CDH18: variants seen among roughly 807,000 people sequenced by gnomAD.
The protein encoded by CDH18 is cadherin-18.
CDH18 carries 31 observed loss-of-function variants against 67.9 expected under a neutral mutation model. That is an observed-to-expected ratio of 0.46 (90% CI 0.34 to 0.62). The LOEUF (loss-of-function observed/expected upper bound fraction) is 0.62, where lower values mean the gene tolerates loss of function less well. Among genes scored for constraint, CDH18 ranks in the 20% least tolerant of loss-of-function variants. The probability of loss-of-function intolerance (pLI) is 0.01; values close to 1 mark genes in which losing one functional copy is unlikely to be tolerated. For missense variants in CDH18, 890 were observed against 975.5 expected (o/e 0.91, Z 1.17); for synonymous variants, 362 against 347.2 (o/e 1.04, Z -0.48).
intron 2 of CDH18, among the ~76,000 whole-genome samples, chr5:20,100,938 T>C (rs1347470825): frequency 1.3e-5 from 2 of 152,184 alleles, no homozygotes; most frequent in Non-Finnish European, 2.9e-5. Context: ...TTTATGACTA[T>C]TCATATAAAT....
At chr5:19,877,075 T>C (rs1429605593) in intron 2 of CDH18, among the ~76,000 whole-genome samples, 2 of 152,076 alleles carry the variant, frequency 1.3e-5, no homozygotes, top group Non-Finnish European at 2.9e-5. Flanking sequence ...ACAAAGACCC[T>C]CACCATGCAC....
intron 5 of CDH18, among the ~76,000 whole-genome samples, chr5:19,647,526 T>TGA: frequency 1.1e-4 from 1 of 8,866 alleles, no homozygotes; most frequent in Non-Finnish European, 2.2e-4. Flanking sequence ...CGAGACTCCA[T>TGA]CAAAAAAAAA....
At chr5:20,148,515 G>A (rs569973998) in intron 2 of CDH18, among the ~76,000 whole-genome samples, 3 of 152,150 alleles carry the variant, frequency 2.0e-5, no homozygotes, top group East Asian at 3.9e-4. Context: ...GAGTTGCTGG[G>A]ACCATCAGCA....
At chr5:20,547,561 A>G (rs1396353417) in intron 1 of CDH18, among the ~76,000 whole-genome samples, 1 of 45,324 alleles carries the variant, frequency 2.2e-5, no homozygotes, top group Non-Finnish European at 5.6e-5. Context: ...ACTCTGTCAG[A>G]AAAAAAAAAA....
At chr5:20,250,232 C>T (rs1743728099) in intron 2 of CDH18, among the ~76,000 whole-genome samples, 1 of 151,912 alleles carries the variant, frequency 6.6e-6, no homozygotes, top group Non-Finnish European at 1.5e-5. Flanking sequence ...TGTTTTTGTT[C>T]TATTTCCTTT....
intron 1 of CDH18, among the ~76,000 whole-genome samples, chr5:20,404,315 T>C (rs1746036896): frequency 6.6e-6 from 1 of 152,174 alleles, no homozygotes; most frequent in South Asian, 2.1e-4. Flanking sequence ...TCAAGAACTT[T>C]TGCTTTGCAT....
At chr5:20,521,029 GA>G (rs556047137) in intron 1 of CDH18, among the ~76,000 whole-genome samples, 2 of 151,812 alleles carry the variant, frequency 1.3e-5, no homozygotes, top group Non-Finnish European at 2.9e-5. Flanking sequence ...TCCACCTGGA[GA>G]AAAAAAATTT....
intron 8 of CDH18, among the ~76,000 whole-genome samples, chr5:19,557,181 C>A (rs562965990): frequency 5.9e-5 from 9 of 152,042 alleles, no homozygotes; most frequent in Non-Finnish European, 1.3e-4. Flanking sequence ...AAAATAGAAT[C>A]TCCTTAAAGC....
chr5:19,598,793 T>C (rs1013193690), intron 6 of CDH18, among the ~76,000 whole-genome samples: 3 of 152,288 alleles, frequency 2.0e-5, no homozygotes, highest in African/African-American at 2.4e-5. Flanking sequence ...TGAAGAGATG[T>C]GTTATCTTTA....
intron 8 of CDH18, among the ~76,000 whole-genome samples, chr5:19,568,449 G>C (rs7705648): frequency 0.074 from 11,202 of 152,164 alleles, 450 homozygotes; most frequent in African/African-American, 0.088. Context: ...AGAGCACTTA[G>C]CACAACCCGA....
At chr5:20,249,949 A>T (rs1189646631) in intron 2 of CDH18, among the ~76,000 whole-genome samples, 2 of 152,134 alleles carry the variant, frequency 1.3e-5, no homozygotes, top group Non-Finnish European at 2.9e-5. Context: ...TAAGGTTGTA[A>T]ATTGAGATGA....
intron 5 of CDH18, among the ~76,000 whole-genome samples, chr5:19,639,488 G>A (rs768305627): frequency 4.1e-4 from 62 of 152,184 alleles, no homozygotes; most frequent in Admixed American, 8.5e-4. Flanking sequence ...AGAAAGGGAA[G>A]TACCCCTGCA....
chr5:20,259,078 T>C (rs1561919143), intron 1 of CDH18, among the ~76,000 whole-genome samples: 2 of 152,150 alleles, frequency 1.3e-5, no homozygotes, highest in East Asian at 1.9e-4. Context: ...CTAAAAATAG[T>C]GTGACTGGCT....
intron 1 of CDH18, among the ~76,000 whole-genome samples, chr5:20,538,786 G>A (rs1279919304): frequency 6.6e-6 from 1 of 151,798 alleles, no homozygotes; most frequent in African/African-American, 2.4e-5. Flanking sequence ...TAGCTAATTT[G>A]AAGGTGTATA....
intron 2 of CDH18, among the ~76,000 whole-genome samples, chr5:19,877,748 C>T (rs1293423735): frequency 1.3e-5 from 2 of 151,966 alleles, no homozygotes; most frequent in African/African-American, 2.4e-5. Flanking sequence ...TCAAAGGCAC[C>T]GATGTAGGAA....
intron 6 of CDH18, among the ~76,000 whole-genome samples, chr5:19,598,511 T>C (rs1278867839): frequency 1.3e-5 from 2 of 152,036 alleles, no homozygotes; most frequent in African/African-American, 4.8e-5. Context: ...AAGAAGGACA[T>C]AGGAAACTGA....
At chr5:20,009,104 T>C (rs1408947216) in intron 2 of CDH18, among the ~76,000 whole-genome samples, 2 of 152,094 alleles carry the variant, frequency 1.3e-5, no homozygotes, top group Non-Finnish European at 2.9e-5. Context: ...TACTTGATAA[T>C]AGAATGAAAT....
intron 2 of CDH18, among the ~76,000 whole-genome samples, chr5:20,182,413 A>T (rs980777427): frequency 1.3e-5 from 2 of 151,540 alleles, no homozygotes; most frequent in Non-Finnish European, 2.9e-5. Flanking sequence ...GACCAGCCTG[A>T]CCAAAATGGA....
intron 2 of CDH18, among the ~76,000 whole-genome samples, chr5:20,146,545 A>T (rs1750658436): frequency 6.6e-6 from 1 of 152,052 alleles, no homozygotes; most frequent in African/African-American, 2.4e-5. Context: ...AGTTTTCTTC[A>T]AACAAGTTCT....
Sources: gnomAD v4.1 joint callset for allele counts (sites outside exome capture counted in the v4.1 genomes callset) on GRCh38, gnomAD v4.1.1 for gene constraint, MANE v1.5 for transcripts, NCBI Gene and HGNC (gene_info 2026-07-23, HGNC 2026-07-21) for gene names.